DISC1: variants seen among roughly 807,000 people sequenced by gnomAD.
The protein encoded by DISC1 is disrupted in schizophrenia 1 protein.
A neutral mutation model predicts 84.5 loss-of-function variants in DISC1; 57 were observed. The ratio of observed to expected loss-of-function variants is 0.67; its 90% confidence interval spans 0.55 to 0.84. The LOEUF is 0.84. Ranked by LOEUF, DISC1 falls within the 40% of genes least tolerant of loss-of-function variation. The pLI is 0.00. For missense variants in DISC1, 1,000 were observed against 1,057.8 expected (o/e 0.95, Z 0.76); for synonymous variants, 411 against 415.2 (o/e 0.99, Z 0.12).
In DISC1 at chr1:231,674,282, T is replaced by G. The variant is rs149866701; in HGVS notation, c.68-19544T>G. On this transcript the variant is annotated intron_variant, in intron 1 of 12. Transcript: ENST00000439617. ...TTTTCCAATCCCTCTCTGATTTTTT[T>G]CTGCGTCACATCTGTTATATGTGCC... 3.3e-4 allele frequency among the ~76,000 whole-genome samples: 51 copies of G among 152,330 alleles called. 1 individual carries two copies. The East Asian group carries it at 9.6e-3, about 29-fold the overall frequency.
At chr1:231,910,309 T>C (rs1354116724) in intron 9 of DISC1, among the ~76,000 whole-genome samples, 1 of 152,254 alleles carries the variant, frequency 6.6e-6, no homozygotes, top group Admixed American at 6.5e-5. Flanking sequence ...CTTGTGGGCA[T>C]GTAGTGCTAT....
intron 12 of DISC1, among the ~76,000 whole-genome samples, chr1:232,030,344 A>G (rs1669883951): frequency 6.6e-6 from 1 of 152,150 alleles, no homozygotes; most frequent in Non-Finnish European, 1.5e-5. Context: ...GAATTTTCTC[A>G]TTTTCTTCCT....
At chr1:231,987,904 T>C (rs1471179806) in intron 10 of DISC1, among the ~76,000 whole-genome samples, 3 of 152,152 alleles carry the variant, frequency 2.0e-5, no homozygotes, top group African/African-American at 4.8e-5. Flanking sequence ...GAACCTCAAC[T>C]TGGGCCTGGT....
At chr1:231,803,518 T>C (rs1400669208) in intron 8 of DISC1, among the ~76,000 whole-genome samples, 3 of 152,142 alleles carry the variant, frequency 2.0e-5, no homozygotes, top group Non-Finnish European at 2.9e-5. Flanking sequence ...CTGAAAGATC[T>C]GCTTCCAAAC....
chr1:231,681,080 C>A (rs2063642698), intron 1 of DISC1, among the ~76,000 whole-genome samples: 1 of 152,220 alleles, frequency 6.6e-6, no homozygotes, highest in South Asian at 2.1e-4. Flanking sequence ...AGACACCCAT[C>A]TGTAGCTAGC....
intron 1 of DISC1, 142 bp from the exon 2 acceptor site, chr1:231,693,684 C>A: frequency 7.8e-7 from 1 of 1,277,762 alleles, no homozygotes; most frequent in Non-Finnish European, 1.1e-6. Flanking sequence ...ATGGATTGGC[C>A]CTGGGACCAC....
chr1:231,641,241 G>A (rs1182616490), intron 1 of DISC1, among the ~76,000 whole-genome samples: 1 of 152,232 alleles, frequency 6.6e-6, no homozygotes, highest in Non-Finnish European at 1.5e-5. Flanking sequence ...CCCTCGCGGT[G>A]AGTGTTACAG....
chr1:232,004,106 T>C (rs1389601283), intron 10 of DISC1, among the ~76,000 whole-genome samples: 1 of 151,692 alleles, frequency 6.6e-6, no homozygotes, highest in East Asian at 1.9e-4. Flanking sequence ...ATATGCTTAT[T>C]ATAACATTAA....
In DISC1 at chr1:231,734,328, A is replaced by G. The variant is rs1573372736; in HGVS notation, c.1118-15598A>G. Among the ~76,000 whole-genome samples the G allele has an allele frequency of 2.0e-5, 3 of 152,242 alleles. No individual in the cohort carries two copies. The South Asian group carries it at 6.2e-4, about 32-fold the overall frequency. On this transcript the variant is annotated intron_variant, in intron 3 of 12. Transcript: ENST00000439617. ...TTTGGTGAAAGAACACTTTATTGTGAATCTGTTTGAAGTGGTGGGGCAATG... is the reference window on the plus strand; with the variant it reads ...TTTGGTGAAAGAACACTTTATTGTGGATCTGTTTGAAGTGGTGGGGCAATG...
chr1:231,682,082 G>T (rs1236836864), intron 1 of DISC1, among the ~76,000 whole-genome samples: 1 of 152,152 alleles, frequency 6.6e-6, no homozygotes, highest in Non-Finnish European at 1.5e-5. Flanking sequence ...TGAGATTTGA[G>T]AGCTTATATA....
intron 10 of DISC1, among the ~76,000 whole-genome samples, chr1:231,970,139 G>A (rs915497783): frequency 6.6e-6 from 1 of 152,160 alleles, no homozygotes; most frequent in Non-Finnish European, 1.5e-5. Flanking sequence ...TGGGTCAAAT[G>A]GTATTTCTAG....
At chr1:231,978,041 G>C (rs1019318951) in intron 10 of DISC1, among the ~76,000 whole-genome samples, 44 of 151,800 alleles carry the variant, frequency 2.9e-4, no homozygotes, top group African/African-American at 1.0e-3. Flanking sequence ...TACGGAATTT[G>C]GCAAATGTGT....
chr1:231,948,553 A>G (rs891744123), intron 9 of DISC1, among the ~76,000 whole-genome samples: 4 of 152,098 alleles, frequency 2.6e-5, no homozygotes, highest in Non-Finnish European at 4.4e-5. Context: ...GTGTATATCT[A>G]TGTAACAAAA....
At chr1:231,934,168 A>C (rs1292462433) in intron 9 of DISC1, among the ~76,000 whole-genome samples, 1 of 152,216 alleles carries the variant, frequency 6.6e-6, no homozygotes, top group Non-Finnish European at 1.5e-5. Flanking sequence ...CCGTGCAGCA[A>C]TAGCTGTGAG....
chr1:231,971,641 G>A (rs199997003), intron 10 of DISC1, among the ~76,000 whole-genome samples: 1 of 152,196 alleles, frequency 6.6e-6, no homozygotes, highest in Non-Finnish European at 1.5e-5. Flanking sequence ...GTGCTGGGCT[G>A]TATCCCATTA....
intron 1 of DISC1, among the ~76,000 whole-genome samples, chr1:231,648,665 C>T (rs187260428): frequency 8.0e-4 from 121 of 151,804 alleles, no homozygotes; most frequent in Non-Finnish European, 1.5e-3. Context: ...TGGTAGAATT[C>T]GGCTGTGAAC....
intron 11 of DISC1, among the ~76,000 whole-genome samples, chr1:232,024,766 T>C (rs1317078257): frequency 6.8e-6 from 1 of 147,182 alleles, no homozygotes; most frequent in African/African-American, 2.6e-5. Context: ...CTAATTTTTG[T>C]ATTTTTTTAG....
At chr1:231,793,932 C>A (rs1011428882) in intron 6 of DISC1, among the ~76,000 whole-genome samples, 4 of 152,144 alleles carry the variant, frequency 2.6e-5, no homozygotes, top group Non-Finnish European at 4.4e-5. Context: ...CTTTCCCTGA[C>A]TAAATAAATT....
chr1:231,678,734 C>T (rs117480965), intron 1 of DISC1, among the ~76,000 whole-genome samples: 3 of 152,282 alleles, frequency 2.0e-5, no homozygotes, highest in East Asian at 3.9e-4. Context: ...GTGGCCTGAT[C>T]GGCTCACTGC....
Sources: allele counts gnomAD v4.1 joint callset (sites outside exome capture counted in the v4.1 genomes callset), GRCh38; gene constraint gnomAD v4.1.1; transcripts MANE v1.5; gene names NCBI Gene and HGNC (gene_info 2026-07-23, HGNC 2026-07-21).